Variants in LRRC37A observed in about 807,000 individuals in gnomAD.
The protein encoded by LRRC37A is leucine rich repeat containing 37A, also known as leucine-rich repeat-containing protein 37A.
A neutral mutation model predicts 35.4 loss-of-function variants in LRRC37A; 3 were observed. That is an observed-to-expected ratio of 0.08 (90% confidence interval 0.04 to 0.22). The LOEUF is 0.22. Ranked by LOEUF, LRRC37A falls within the 10% of genes least tolerant of loss-of-function variation. The pLI is 1.00. For synonymous variants in LRRC37A, 23 were observed against 215.0 expected, an observed-to-expected ratio of 0.11 and a Z score of 7.81; for missense variants, 67 against 565.3, an observed-to-expected ratio of 0.12 and a Z score of 8.94.
chr17:46,255,849 G>C, the LRRC37A span, among the ~76,000 whole-genome samples: 1 of 151,400 alleles, frequency 6.6e-6, no homozygotes, highest in Non-Finnish European at 1.5e-5. Context: ...CTAATTTTTT[G>C]TATTTTTAGT....
chr17:46,263,449 G>T, the LRRC37A span, among the ~76,000 whole-genome samples: 3 of 151,336 alleles, frequency 2.0e-5, no homozygotes, highest in African/African-American at 7.3e-5. Context: ...TACTTGAGAG[G>T]CTGAGACAGG....
At chr17:46,278,914 C>T in the LRRC37A span, among the ~76,000 whole-genome samples, 1 of 152,020 alleles carries the variant, frequency 6.6e-6, no homozygotes, top group Non-Finnish European at 1.5e-5. Context: ...TCTCCTGCCT[C>T]AGCCTCCTGA....
the LRRC37A span, among the ~76,000 whole-genome samples, chr17:46,253,322 A>G: frequency 6.7e-6 from 1 of 149,682 alleles, no homozygotes; most frequent in Non-Finnish European, 1.5e-5. Flanking sequence ...CCAGGCAGAG[A>G]CGCTCCTCAC....
chr17:46,279,825 T>C, the LRRC37A span, among the ~76,000 whole-genome samples: 3 of 152,210 alleles, frequency 2.0e-5, no homozygotes, highest in Non-Finnish European at 2.9e-5. Context: ...TTTTTGTTTT[T>C]AGTGGCGTTT....
At position 46,316,656 on chromosome 17, in the gene LRRC37A, C is replaced by T. The variant is rs1275187673; in HGVS notation, c.2907-5666C>T. Among the ~76,000 whole-genome samples the T allele has an allele frequency of 3.1e-5, 2 of 65,216 alleles. 1 individual carries two copies. The highest frequency in any genetic ancestry group is 8.6e-5 in the Non-Finnish European group (2 of 23,146). The allele number at this position is 65,216 out of a possible 152,430, so 42.8% of individuals were successfully genotyped here. A position where few individuals can be genotyped will look rare whatever the true frequency, so the allele number is the denominator to read the frequency against. On this transcript the variant is annotated intron_variant, in intron 5 of 13. Transcript: ENST00000320254. ...TTATTGATCATTCTTGGGTGTTTCT[C>T]GCAGAGGGGGATTTGGCAGGGTCAT...
the LRRC37A span, among the ~76,000 whole-genome samples, chr17:46,265,447 C>T: frequency 6.6e-6 from 1 of 150,914 alleles, no homozygotes; most frequent in African/African-American, 2.4e-5. Flanking sequence ...TCCTCTCCTC[C>T]TCCTCTTCCT....
the LRRC37A span, chr17:46,267,430 A>T: frequency 6.2e-7 from 1 of 1,612,706 alleles, no homozygotes; most frequent in African/African-American, 1.3e-5. Context: ...CCTGTACCTC[A>T]CTCACCCCCG....
At chr17:46,270,805 C>T in the LRRC37A span, among the ~76,000 whole-genome samples, 7 of 152,182 alleles carry the variant, frequency 4.6e-5, no homozygotes, top group Admixed American at 2.6e-4. Context: ...TATTGGGGGG[C>T]AGGAGGATCG....
chr17:46,305,014 A>AGC (rs2050481240), intron 3 of LRRC37A, among the ~76,000 whole-genome samples: 2 of 83,042 alleles, frequency 2.4e-5, no homozygotes, highest in East Asian at 6.4e-4. Flanking sequence ...GACTACAGGC[A>AGC]CGTGCCACTA....
chr17:46,263,378 C>A, the LRRC37A span, among the ~76,000 whole-genome samples: 1 of 151,944 alleles, frequency 6.6e-6, no homozygotes. Flanking sequence ...TGGTGAAACC[C>A]CGTCTCTACT....
At chr17:46,255,824 C>T in the LRRC37A span, among the ~76,000 whole-genome samples, 11 of 151,916 alleles carry the variant, frequency 7.2e-5, no homozygotes, top group Non-Finnish European at 1.2e-4. Context: ...TACAGGCGCC[C>T]GCCACCACGC....
At chr17:46,275,254 C>G in the LRRC37A span, 1 of 481,294 alleles carries the variant, frequency 2.1e-6, no homozygotes, top group Admixed American at 4.2e-5. Context: ...CTGTTATGAC[C>G]AATAAAAACA....
intron 5 of LRRC37A, among the ~76,000 whole-genome samples, chr17:46,309,074 GGTCT>G (rs1439889398): frequency 1.3e-5 from 1 of 79,234 alleles, no homozygotes; most frequent in African/African-American, 3.3e-5. Flanking sequence ...AGGGTTAAAA[GGTCT>G]GTCTATTTTG....
At chr17:46,250,200 G>T in the LRRC37A span, among the ~76,000 whole-genome samples, 2 of 152,186 alleles carry the variant, frequency 1.3e-5, no homozygotes, top group East Asian at 3.8e-4. Flanking sequence ...CAAAGTGCTG[G>T]GATTATAGGC....
At chr17:46,267,137 T>G in the LRRC37A span, 2 of 534,176 alleles carry the variant, frequency 3.7e-6, no homozygotes. Context: ...AGAGGCGTTC[T>G]GCAAGCGCGA....
chr17:46,270,887 G>A, the LRRC37A span, among the ~76,000 whole-genome samples: 392 of 152,316 alleles, frequency 2.6e-3, 2 homozygotes, highest in African/African-American at 9.1e-3. Context: ...GCAACAGAGC[G>A]AGACTCTGTC....
the LRRC37A span, among the ~76,000 whole-genome samples, chr17:46,273,873 G>T: frequency 1.3e-5 from 2 of 152,226 alleles, no homozygotes; most frequent in East Asian, 3.8e-4. Context: ...AACAAAAAAT[G>T]TCCTTCATAC....
At chr17:46,250,650 C>A in the LRRC37A span, among the ~76,000 whole-genome samples, 8 of 152,212 alleles carry the variant, frequency 5.3e-5, no homozygotes, top group Non-Finnish European at 5.9e-5. Context: ...CCTCAGCCTG[C>A]AGACGGCCTA....
chr17:46,261,208 G>T, the LRRC37A span, among the ~76,000 whole-genome samples: 1 of 152,152 alleles, frequency 6.6e-6, no homozygotes, highest in South Asian at 2.1e-4. Flanking sequence ...ATATCCTATG[G>T]AAATAAAAAT....
Sources: gnomAD v4.1 joint callset for allele counts (sites outside exome capture counted in the v4.1 genomes callset) on GRCh38, gnomAD v4.1.1 for gene constraint, MANE v1.5 for transcripts, NCBI Gene and HGNC (gene_info 2026-07-23, HGNC 2026-07-21) for gene names.